The following NAALADL2 variants were observed in gnomAD, a reference collection of about 807,000 sequenced individuals.
The protein encoded by NAALADL2 is inactive N-acetylated-alpha-linked acidic dipeptidase-like protein 2.
In NAALADL2, 76 loss-of-function variants were observed where a neutral mutation model predicts 87.2. The ratio of observed to expected loss-of-function variants is 0.87; its 90% CI spans 0.72 to 1.05. The LOEUF is 1.05. NAALADL2 is among the 50% of genes least tolerant of loss of function. NAALADL2 has a pLI of 0.00. For missense variants in NAALADL2, 1,089 were observed against 945.8 expected, an observed-to-expected ratio of 1.15 and a Z score of -1.99; for synonymous variants, 354 against 331.0, an observed-to-expected ratio of 1.07 and a Z score of -0.75.
chr3:175,290,065 G>A (rs187705205), intron 4 of NAALADL2, among the ~76,000 whole-genome samples: 180 of 152,328 alleles, frequency 1.2e-3, no homozygotes, highest in African/African-American at 4.2e-3. Context: ...TTAAAAGGCT[G>A]TGTGATAAGA....
At chr3:175,344,370 A>T (rs969002029) in intron 5 of NAALADL2, among the ~76,000 whole-genome samples, 1 of 151,500 alleles carries the variant, frequency 6.6e-6, no homozygotes, top group African/African-American at 2.4e-5. Flanking sequence ...GAAGTAGACT[A>T]CCACTACCAC....
intron 11 of NAALADL2, among the ~76,000 whole-genome samples, chr3:175,661,856 C>T (rs1732304303): frequency 6.6e-6 from 1 of 151,614 alleles, no homozygotes; most frequent in Admixed American, 6.6e-5. Context: ...TCTGTGGGTC[C>T]GTTTTTATGC....
intron 1 of NAALADL2, among the ~76,000 whole-genome samples, chr3:174,447,861 C>T (rs770601794): frequency 9.9e-5 from 15 of 152,110 alleles, no homozygotes; most frequent in Non-Finnish European, 2.1e-4. Flanking sequence ...TTCAAAGTAG[C>T]TTCTTACTTG....
chr3:174,862,673 A>C (rs1009484131), intron 1 of NAALADL2, among the ~76,000 whole-genome samples: 1 of 152,060 alleles, frequency 6.6e-6, no homozygotes, highest in Non-Finnish European at 1.5e-5. Flanking sequence ...AAATAATATG[A>C]TATACTAATT....
chr3:175,621,054 G>A (rs1384169515), intron 10 of NAALADL2, among the ~76,000 whole-genome samples: 4 of 152,120 alleles, frequency 2.6e-5, no homozygotes, highest in Non-Finnish European at 5.9e-5. Context: ...AGCATTATTC[G>A]GAAACGACCA....
intron 1 of NAALADL2, among the ~76,000 whole-genome samples, chr3:174,917,453 T>A (rs1184319609): frequency 6.6e-6 from 1 of 152,144 alleles, no homozygotes. Context: ...ACTTTAGCTT[T>A]TATTTTGTTT....
chr3:175,024,240 T>C (rs1021331008), intron 1 of NAALADL2, among the ~76,000 whole-genome samples: 6 of 152,058 alleles, frequency 3.9e-5, no homozygotes, highest in Non-Finnish European at 8.8e-5. Context: ...GAACAATCTA[T>C]ATTAAAATTT....
intron 2 of NAALADL2, among the ~76,000 whole-genome samples, chr3:174,554,839 A>T (rs2108498387): frequency 6.6e-6 from 1 of 152,304 alleles, no homozygotes; most frequent in East Asian, 1.9e-4. Context: ...TGGGCAATTT[A>T]TAAACAATCG....
chr3:174,913,408 C>T (rs1217712468), intron 1 of NAALADL2, among the ~76,000 whole-genome samples: 1 of 152,102 alleles, frequency 6.6e-6, no homozygotes, highest in African/African-American at 2.4e-5. Flanking sequence ...GAAGGAAAAA[C>T]CGTGTTTACT....
chr3:174,605,982 A>G (rs1486134047), intron 2 of NAALADL2, among the ~76,000 whole-genome samples: 1 of 152,150 alleles, frequency 6.6e-6, no homozygotes, highest in Non-Finnish European at 1.5e-5. Context: ...CTTCCAGAGG[A>G]ACGATCAGAC....
chr3:174,454,778 G>A (rs574924036), intron 1 of NAALADL2, among the ~76,000 whole-genome samples: 1 of 152,002 alleles, frequency 6.6e-6, no homozygotes, highest in African/African-American at 2.4e-5. Flanking sequence ...ACATTAAAAA[G>A]TTAGAAAGAT....
chr3:175,758,456 C>T (rs1583135024), intron 13 of NAALADL2, among the ~76,000 whole-genome samples: 1 of 151,884 alleles, frequency 6.6e-6, no homozygotes, highest in African/African-American at 2.4e-5. Flanking sequence ...AATAGATTAG[C>T]TTCGTTTAGA....
At chr3:175,175,545 A>T (rs974144786) in intron 2 of NAALADL2, among the ~76,000 whole-genome samples, 2 of 152,050 alleles carry the variant, frequency 1.3e-5, no homozygotes, top group Non-Finnish European at 1.5e-5. Context: ...TATATTCTTC[A>T]CATCACACTC....
rs1163548159 is a variant in NAALADL2 at position 174,823,199 on chromosome 3, T to C, written c.-9+85453T>C. Among the ~76,000 whole-genome samples, 3 of 152,136 alleles carry C rather than the reference T, an allele frequency of 2.0e-5. No individual in the cohort carries two copies. The East Asian group carries it at 5.8e-4, about 29-fold the overall frequency. ...GTGTTTGGAGTTTTCCTTTTTGTTG[T>C]TGTTGTTGTTGTCTGTTTGTTTGCT... On this transcript the variant is annotated intron_variant, in intron 3 of 3. Transcript: ENST00000434257.
intron 10 of NAALADL2, among the ~76,000 whole-genome samples, chr3:175,584,647 A>G (rs1477420378): frequency 6.6e-6 from 1 of 152,250 alleles, no homozygotes; most frequent in Admixed American, 6.5e-5. Flanking sequence ...CCTAGGCTAT[A>G]TGGCGTAGCC....
chr3:174,884,034 A>G (rs965843273), intron 1 of NAALADL2, among the ~76,000 whole-genome samples: 2 of 152,174 alleles, frequency 1.3e-5, no homozygotes, highest in Non-Finnish European at 2.9e-5. Flanking sequence ...TAAGGGTAGG[A>G]GGAGCCCGAA....
intron 1 of NAALADL2, among the ~76,000 whole-genome samples, chr3:174,967,371 CAAAA>C (rs58590340): frequency 3.2e-5 from 4 of 126,312 alleles, no homozygotes; most frequent in Non-Finnish European, 3.4e-5. Context: ...TGGTGGATTG[CAAAA>C]AAAAAAAAAA....
At chr3:175,136,525 G>A (rs958957636) in intron 2 of NAALADL2, among the ~76,000 whole-genome samples, 78 of 152,248 alleles carry the variant, frequency 5.1e-4, no homozygotes, top group African/African-American at 1.8e-3. Flanking sequence ...CCAATGTTAG[G>A]GTCAGAGAAA....
At chr3:174,683,994 CA>C (rs976833128) in intron 2 of NAALADL2, among the ~76,000 whole-genome samples, 13 of 151,752 alleles carry the variant, frequency 8.6e-5, no homozygotes, top group Non-Finnish European at 1.6e-4. Flanking sequence ...GTTTTCTATG[CA>C]TCACATTTAG....
Sources: gnomAD v4.1 joint callset for allele counts (sites outside exome capture counted in the v4.1 genomes callset) on GRCh38, gnomAD v4.1.1 for gene constraint, MANE v1.5 for transcripts, NCBI Gene and HGNC (gene_info 2026-07-23, HGNC 2026-07-21) for gene names.